Variants in FAM13A observed in about 807,000 individuals in gnomAD.
The protein encoded by FAM13A is family with sequence similarity 13 member A.
Under a neutral mutation model 129.6 loss-of-function variants are expected in FAM13A, and 76 were observed. The ratio of observed to expected loss-of-function variants is 0.59; its 90% CI spans 0.49 to 0.71. The LOEUF (loss-of-function observed/expected upper bound fraction) is 0.71. FAM13A is among the 30% of genes least tolerant of loss of function. The pLI is 0.00. For missense variants in FAM13A, 1,108 were observed against 1,249.3 expected, an observed-to-expected ratio of 0.89 and a Z score of 1.70; for synonymous variants, 443 against 449.9, an observed-to-expected ratio of 0.98 and a Z score of 0.20.
chr4:88,772,356 T>C (rs1489675807), intron 11 of FAM13A, among the ~76,000 whole-genome samples: 3 of 152,336 alleles, frequency 2.0e-5, no homozygotes, highest in Middle Eastern at 6.8e-3. Context: ...ACTGGTATCA[T>C]AAAAGATGCC....
At chr4:88,887,697 AT>A (rs1017561131) in intron 6 of FAM13A, among the ~76,000 whole-genome samples, 2 of 151,578 alleles carry the variant, frequency 1.3e-5, no homozygotes, top group Non-Finnish European at 1.5e-5. Context: ...TGCCCAGCTA[AT>A]TTTTTTGTAT....
intron 3 of FAM13A, among the ~76,000 whole-genome samples, chr4:89,020,093 G>C (rs898277022): frequency 6.6e-6 from 1 of 152,010 alleles, no homozygotes; most frequent in Non-Finnish European, 1.5e-5. Context: ...CATGTTAATG[G>C]TATCAGAAAT....
intron 6 of FAM13A, among the ~76,000 whole-genome samples, chr4:88,899,323 G>C (rs1249313449): frequency 1.3e-5 from 2 of 151,882 alleles, no homozygotes. Context: ...TGATACAATG[G>C]ACTTTGGGGG....
intron 21 of FAM13A, 94 bp downstream of exon 21, chr4:88,737,378 C>T: frequency 9.5e-7 from 1 of 1,056,992 alleles, no homozygotes; most frequent in Non-Finnish European, 1.5e-6. Flanking sequence ...CACCAAAAGG[C>T]CCGATCACAC....
chr4:88,867,268 A>T (rs1166730174), intron 6 of FAM13A, among the ~76,000 whole-genome samples: 1 of 152,196 alleles, frequency 6.6e-6, no homozygotes, highest in East Asian at 1.9e-4. Context: ...TATCTTAAAC[A>T]CCTGTCCTCC....
chr4:88,876,326 T>G (rs1742470154), intron 6 of FAM13A, among the ~76,000 whole-genome samples: 1 of 151,980 alleles, frequency 6.6e-6, no homozygotes, highest in South Asian at 2.1e-4. Flanking sequence ...TAATGCAAGC[T>G]TAAAAGCAAA....
chr4:88,902,566 T>C (rs1403769821), intron 6 of FAM13A, among the ~76,000 whole-genome samples: 1 of 151,968 alleles, frequency 6.6e-6, no homozygotes, highest in East Asian at 1.9e-4. Flanking sequence ...ACATACTTCA[T>C]GTTAAAAACT....
intron 6 of FAM13A, among the ~76,000 whole-genome samples, chr4:88,856,310 T>A (rs1208643620): frequency 6.6e-6 from 1 of 151,700 alleles, no homozygotes; most frequent in Non-Finnish European, 1.5e-5. Context: ...TGAGACCCTG[T>A]CTCTACAAAA....
chr4:88,799,480 CTTTT>C (rs58865037), intron 8 of FAM13A, among the ~76,000 whole-genome samples: 72,340 of 147,426 alleles, frequency 0.49, 17,544 homozygotes, highest in East Asian at 0.69. Flanking sequence ...AACAATTCCA[CTTTT>C]TTTTTTTTTT....
chr4:88,877,169 C>G (rs1036539757), intron 6 of FAM13A, among the ~76,000 whole-genome samples: 6 of 152,114 alleles, frequency 3.9e-5, no homozygotes, highest in African/African-American at 1.4e-4. Context: ...AATACTGAGT[C>G]TGATGTATGC....
At chr4:88,820,035 G>T (rs757410272) in intron 7 of FAM13A, among the ~76,000 whole-genome samples, 29 of 152,278 alleles carry the variant, frequency 1.9e-4, no homozygotes, top group Middle Eastern at 3.4e-3. Flanking sequence ...GTAATAAACA[G>T]ATAGCAAGAC....
chr4:88,790,168 C>T (rs72663482), intron 9 of FAM13A, among the ~76,000 whole-genome samples: 6,247 of 152,082 alleles, frequency 0.041, 177 homozygotes, highest in Non-Finnish European at 0.062. Context: ...ATCTAACATG[C>T]GCCTGACGTG....
intron 6 of FAM13A, among the ~76,000 whole-genome samples, chr4:88,896,311 C>T (rs1323441588): frequency 6.6e-6 from 1 of 151,546 alleles, no homozygotes; most frequent in Admixed American, 6.6e-5. Flanking sequence ...GGGAGATACA[C>T]CTAATGCTAG....
intron 5 of FAM13A, among the ~76,000 whole-genome samples, chr4:88,921,250 C>T (rs968208105): frequency 1.3e-5 from 2 of 151,862 alleles, no homozygotes; most frequent in Non-Finnish European, 2.9e-5. Context: ...ACATAATTGT[C>T]AGATTCACCA....
chr4:88,979,783 C>T (rs1315324216), intron 4 of FAM13A, among the ~76,000 whole-genome samples: 1 of 152,048 alleles, frequency 6.6e-6, no homozygotes, highest in Non-Finnish European at 1.5e-5. Context: ...CCAGCCTGAC[C>T]AACATGGTGA....
At chr4:88,810,092 C>A (rs1398121735) in intron 7 of FAM13A, among the ~76,000 whole-genome samples, 1 of 151,954 alleles carries the variant, frequency 6.6e-6, no homozygotes, top group East Asian at 1.9e-4. Context: ...ATTTTCCAGA[C>A]CAAAGGTTAA....
chr4:88,878,163 G>A (rs1742902314), intron 6 of FAM13A, among the ~76,000 whole-genome samples: 1 of 151,802 alleles, frequency 6.6e-6, no homozygotes, highest in African/African-American at 2.4e-5. Flanking sequence ...GGTGGCGGGT[G>A]CCTGTAGTCC....
At chr4:88,974,401 CTTG>C (rs368959932) in intron 4 of FAM13A, among the ~76,000 whole-genome samples, 1 of 152,148 alleles carries the variant, frequency 6.6e-6, no homozygotes, top group African/African-American at 2.4e-5. Flanking sequence ...CAGCTTTTTA[CTTG>C]TTGTTAGGAA....
At chr4:88,826,201 C>A (rs1261346700) in intron 7 of FAM13A, among the ~76,000 whole-genome samples, 1 of 152,012 alleles carries the variant, frequency 6.6e-6, no homozygotes, top group Non-Finnish European at 1.5e-5. Flanking sequence ...ACCCCCACTA[C>A]TTCTCCCTCT....
Sources: gnomAD v4.1 joint callset for allele counts (sites outside exome capture counted in the v4.1 genomes callset) on GRCh38, gnomAD v4.1.1 for gene constraint, MANE v1.5 for transcripts, NCBI Gene and HGNC (gene_info 2026-07-23, HGNC 2026-07-21) for gene names.